Variants in BCL2 observed in about 807,000 individuals in gnomAD.
The protein encoded by BCL2 is BCL2 apoptosis regulator.
Under a neutral mutation model 14.2 loss-of-function variants are expected in BCL2, and 1 was observed. The ratio of observed to expected loss-of-function variants is 0.07; its 90% CI spans 0.02 to 0.33. BCL2 has a LOEUF of 0.33. BCL2 is among the 10% of genes least tolerant of loss of function. BCL2 has a pLI of 0.99. For missense variants in BCL2, 247 were observed against 305.9 expected, an observed-to-expected ratio of 0.81 and a Z score of 1.44; for synonymous variants, 151 against 137.2, an observed-to-expected ratio of 1.10 and a Z score of -0.70.
chr18:63,193,513 G>A (rs1376322045), intron 2 of BCL2, among the ~76,000 whole-genome samples: 1 of 151,774 alleles, frequency 6.6e-6, no homozygotes, highest in Non-Finnish European at 1.5e-5. Context: ...TTATTTCACT[G>A]AGCATGATGT....
At chr18:63,221,425 A>T (rs577829606) in intron 2 of BCL2, among the ~76,000 whole-genome samples, 1 of 152,216 alleles carries the variant, frequency 6.6e-6, no homozygotes, top group African/African-American at 2.4e-5. Flanking sequence ...GGGGAAAAAA[A>T]GGGAAAAAAG....
chr18:63,313,860 T>C (rs956010276), intron 2 of BCL2: 2 of 152,216 alleles, frequency 1.3e-5, no homozygotes, highest in African/African-American at 2.4e-5. Context: ...GTATGCTGTG[T>C]GGCCTGATGA....
chr18:63,302,275 T>C (rs1912983842), intron 2 of BCL2: 2 of 927,862 alleles, frequency 2.2e-6, no homozygotes, highest in Non-Finnish European at 2.6e-6. Context: ...CACTCCAGCC[T>C]GGGCAACAAG....
intron 2 of BCL2, among the ~76,000 whole-genome samples, chr18:63,223,184 G>T (rs1367706869): frequency 6.6e-6 from 1 of 152,108 alleles, no homozygotes; most frequent in Admixed American, 6.5e-5. Context: ...GGCGGATCAC[G>T]AGGTCAGGAG....
chr18:63,220,748 A>G (rs1165185297), intron 2 of BCL2, among the ~76,000 whole-genome samples: 1 of 151,680 alleles, frequency 6.6e-6, no homozygotes, highest in East Asian at 1.9e-4. Context: ...AAGGTGAAAA[A>G]CCCTCTAAGA....
chr18:63,203,686 GCACA>G (rs139308781), intron 2 of BCL2, among the ~76,000 whole-genome samples: 4 of 148,926 alleles, frequency 2.7e-5, no homozygotes, highest in African/African-American at 5.0e-5. Flanking sequence ...ATATGCACAC[GCACA>G]CACACACACA....
intron 2 of BCL2, among the ~76,000 whole-genome samples, chr18:63,268,895 T>C (rs1911919607): frequency 6.6e-6 from 1 of 152,088 alleles, no homozygotes; most frequent in South Asian, 2.1e-4. Context: ...CAGTACCCAA[T>C]CCATGAAAGT....
intron 2 of BCL2, among the ~76,000 whole-genome samples, chr18:63,212,282 CAT>C (rs1910044000): frequency 2.0e-5 from 3 of 151,628 alleles, no homozygotes; most frequent in African/African-American, 4.8e-5. Context: ...GAGCCAAGAG[CAT>C]GCCACTGCAC....
intron 2 of BCL2, among the ~76,000 whole-genome samples, chr18:63,175,432 G>A (rs529420931): frequency 2.0e-5 from 3 of 152,336 alleles, no homozygotes; most frequent in Non-Finnish European, 4.4e-5. Context: ...CCAGCATAGT[G>A]TGCACCTAGG....
At chr18:63,300,464 C>G (rs529200939) in intron 2 of BCL2, among the ~76,000 whole-genome samples, 40 of 142,116 alleles carry the variant, frequency 2.8e-4, no homozygotes, top group East Asian at 2.4e-3. Context: ...CTCTCTCTCT[C>G]TCTGTGTGTG....
chr18:63,198,678 A>ACAG (rs201331425), intron 2 of BCL2, among the ~76,000 whole-genome samples: 4 of 34,100 alleles, frequency 1.2e-4, no homozygotes, highest in African/African-American at 5.1e-4. Flanking sequence ...ACAAAGACAC[A>ACAG]ACAGACACAG....
intron 2 of BCL2, among the ~76,000 whole-genome samples, chr18:63,282,346 G>T (rs1319955546): frequency 1.3e-5 from 2 of 152,134 alleles, no homozygotes; most frequent in Non-Finnish European, 2.9e-5. Context: ...TTCTCTCATG[G>T]ACCAAAAGAT....
Position 63,128,505 on chromosome 18 carries a change from T to C in BCL2, c.*120A>G. On this transcript the variant is annotated 3_prime_UTR_variant, in exon 3 of 3. Transcript: ENST00000333681. Reference sequence around the variant, plus strand: ...TGTCTGTGTGTGTGATGTTTATATGTGTGTTATTTTTTCTTAAACAGCCTG... The same window carrying C: ...TGTCTGTGTGTGTGATGTTTATATGCGTGTTATTTTTTCTTAAACAGCCTG... 1.8e-5 allele frequency: 12 copies of C among 653,560 alleles called. No homozygotes were observed. The highest frequency in any genetic ancestry group is 2.8e-5 in the Non-Finnish European group (10 of 351,484). 40.5% of individuals were successfully genotyped at this position (653,560 alleles called of 1,614,324 possible). A position where few individuals can be genotyped will look rare whatever the true frequency, so the allele number is the denominator to read the frequency against.
intron 2 of BCL2, among the ~76,000 whole-genome samples, chr18:63,274,210 C>A (rs1194861871): frequency 6.6e-6 from 1 of 150,842 alleles, no homozygotes; most frequent in Non-Finnish European, 1.5e-5. Context: ...ATGCTAATAT[C>A]TGGGACTTGC....
At chr18:63,134,872 A>G (rs1269253971) in intron 2 of BCL2, among the ~76,000 whole-genome samples, 3 of 152,152 alleles carry the variant, frequency 2.0e-5, no homozygotes, top group South Asian at 2.1e-4. Flanking sequence ...GATATTTTCT[A>G]TTTTTCATGA....
At chr18:63,222,751 G>A (rs746835826) in intron 2 of BCL2, among the ~76,000 whole-genome samples, 3 of 152,110 alleles carry the variant, frequency 2.0e-5, no homozygotes, top group Non-Finnish European at 4.4e-5. Context: ...CACCTGAAAC[G>A]TCACTGTAAC....
intron 2 of BCL2, among the ~76,000 whole-genome samples, chr18:63,216,905 C>T (rs1295860641): frequency 6.6e-6 from 1 of 152,186 alleles, no homozygotes; most frequent in Admixed American, 6.5e-5. Flanking sequence ...GGTTTTCCTT[C>T]TTCTAACAGT....
At chr18:63,255,467 T>A (rs1419258911) in intron 2 of BCL2, among the ~76,000 whole-genome samples, 1 of 152,230 alleles carries the variant, frequency 6.6e-6, no homozygotes, top group Non-Finnish European at 1.5e-5. Flanking sequence ...TGGAAAGCCG[T>A]ATCTGATTCA....
At position 63,247,052 on chromosome 18, in the gene BCL2, C is replaced by T. The variant is rs1911169923; in HGVS notation, c.585+71030G>A. ...GCTGAGCTCAAGTGCTATGGGGAAT[C>T]CCAATGAAAAGCCATGATTCCTATT... On this transcript the variant is annotated intron_variant, in intron 2 of 2. Coordinates refer to ENST00000333681, the MANE Select transcript of BCL2 (RefSeq NM_000633.3). Among the ~76,000 whole-genome samples, 3 of 152,134 alleles carry T rather than the reference C, an allele frequency of 2.0e-5. No individual in the cohort carries two copies. In the South Asian group the frequency reaches 6.2e-4, roughly 32 times the overall value.
Sources: gnomAD v4.1 joint callset for allele counts (sites outside exome capture counted in the v4.1 genomes callset) on GRCh38, gnomAD v4.1.1 for gene constraint, MANE v1.5 for transcripts, NCBI Gene and HGNC (gene_info 2026-07-23, HGNC 2026-07-21) for gene names.